The following NELL1 variants were observed in gnomAD, a reference collection of about 807,000 sequenced individuals.
NELL1 encodes the protein protein kinase C-binding protein NELL1.
In NELL1, 76 loss-of-function variants were observed where a neutral mutation model predicts 107.4. The ratio of observed to expected loss-of-function variants is 0.71; its 90% confidence interval spans 0.59 to 0.86. The LOEUF (loss-of-function observed/expected upper bound fraction) is 0.86, where lower values mean the gene tolerates loss of function less well. NELL1 is among the 40% of genes least tolerant of loss of function. The pLI is 0.00. For missense variants in NELL1, 1,024 were observed against 1,005.5 expected (o/e 1.02, Z -0.25); for synonymous variants, 353 against 341.2 (o/e 1.03, Z -0.38).
intron 15 of NELL1, among the ~76,000 whole-genome samples, chr11:21,516,007 C>G (rs557862912): frequency 1.3e-5 from 2 of 152,320 alleles, no homozygotes; most frequent in Admixed American, 1.3e-4. Flanking sequence ...CTTCCTCCCA[C>G]AGCAGACTGT....
chr11:20,957,238 G>A (rs1167164608), intron 11 of NELL1, among the ~76,000 whole-genome samples: 1 of 152,304 alleles, frequency 6.6e-6, no homozygotes, highest in East Asian at 1.9e-4. Context: ...TGCCCAAAGA[G>A]ACTTGCCTGT....
intron 12 of NELL1, among the ~76,000 whole-genome samples, chr11:21,018,222 C>T (rs189011903): frequency 6.6e-6 from 1 of 152,040 alleles, no homozygotes; most frequent in Non-Finnish European, 1.5e-5. Flanking sequence ...GCATTTCTAG[C>T]CCGGAAACTA....
At chr11:21,174,023 G>T (rs1314273363) in intron 13 of NELL1, among the ~76,000 whole-genome samples, 1 of 151,692 alleles carries the variant, frequency 6.6e-6, no homozygotes, top group Non-Finnish European at 1.5e-5. Flanking sequence ...AAATGCTATT[G>T]TTCTCCCTGC....
intron 12 of NELL1, among the ~76,000 whole-genome samples, chr11:21,026,471 A>G (rs1256313321): frequency 2.0e-5 from 3 of 152,176 alleles, no homozygotes; most frequent in Non-Finnish European, 2.9e-5. Flanking sequence ...TTTAAATAGC[A>G]TATGATTCCC....
chr11:21,518,860 T>C (rs1855640022), intron 15 of NELL1, among the ~76,000 whole-genome samples: 1 of 152,204 alleles, frequency 6.6e-6, no homozygotes, highest in South Asian at 2.1e-4. Flanking sequence ...GAGATAAAAA[T>C]ATTCCATTGG....
chr11:20,892,928 CAA>C (rs35992813), intron 5 of NELL1, among the ~76,000 whole-genome samples: 6,111 of 98,502 alleles, frequency 0.062, 359 homozygotes, highest in African/African-American at 0.21. Context: ...GACTGTGTCT[CAA>C]AAAAAAAAAA....
intron 15 of NELL1, among the ~76,000 whole-genome samples, chr11:21,495,402 A>G (rs989776125): frequency 5.3e-5 from 8 of 152,126 alleles, no homozygotes; most frequent in African/African-American, 1.4e-4. Flanking sequence ...TTAAACAGTC[A>G]TCAGTTTATA....
chr11:21,434,065 T>C (rs78448076), intron 15 of NELL1, among the ~76,000 whole-genome samples: 3,886 of 152,294 alleles, frequency 0.026, 161 homozygotes, highest in African/African-American at 0.087. Flanking sequence ...GTTGAGACGT[T>C]TGTGGTCCTT....
chr11:20,834,112 G>A (rs1422425496), intron 3 of NELL1, among the ~76,000 whole-genome samples: 2 of 152,106 alleles, frequency 1.3e-5, no homozygotes, highest in African/African-American at 2.4e-5. Flanking sequence ...GCGTGGATTC[G>A]GTGAGACCTG....
intron 13 of NELL1, among the ~76,000 whole-genome samples, chr11:21,145,658 A>G (rs1855961605): frequency 6.6e-6 from 1 of 152,174 alleles, no homozygotes; most frequent in South Asian, 2.1e-4. Context: ...CATGTCTTAG[A>G]CATTTTTAGT....
intron 2 of NELL1, among the ~76,000 whole-genome samples, chr11:20,766,386 T>C (rs11025749): frequency 0.92 from 140,019 of 152,274 alleles, 65,571 homozygotes; most frequent in East Asian, 1. Context: ...CTTGTTTTAT[T>C]GGAAAGGAAA....
At position 20,970,096 on chromosome 11, in the gene NELL1, C is replaced by T. The variant is rs527482175; in HGVS notation, c.1300+9536C>T. ...CCATCCATCCATCCATCCATCCATC[C>T]GTACTCTGAACATAGAGATATATCT... On this transcript the variant is annotated intron_variant, in intron 12 of 19. Coordinates refer to ENST00000357134, the MANE Select transcript of NELL1 (RefSeq NM_006157.5). Among the ~76,000 whole-genome samples, 73 of 150,488 alleles carry T rather than the reference C, an allele frequency of 4.9e-4. 2 individuals are homozygous for T. The East Asian group carries it at 8.8e-3, about 18-fold the overall frequency.
At chr11:20,938,928 CTCTCTCTCTCTCTG>C (rs745779270) in intron 10 of NELL1, among the ~76,000 whole-genome samples, 84 of 122,196 alleles carry the variant, frequency 6.9e-4, no homozygotes, top group Non-Finnish European at 9.2e-4. Flanking sequence ...CTCTCTCTCT[CTCTCTCTCTCTCTG>C]TGTGTGTGTG....
At chr11:20,913,476 T>A (rs999777090) in intron 5 of NELL1, among the ~76,000 whole-genome samples, 1 of 152,152 alleles carries the variant, frequency 6.6e-6, no homozygotes, top group African/African-American at 2.4e-5. Context: ...GATAATTTTC[T>A]AATTTTTTAA....
At chr11:21,408,463 A>G (rs749091785) in intron 15 of NELL1, among the ~76,000 whole-genome samples, 4 of 152,196 alleles carry the variant, frequency 2.6e-5, no homozygotes, top group Admixed American at 1.3e-4. Context: ...TTCTTTTGCT[A>G]TAGTTTTCCT....
Position 21,149,696 on chromosome 11 carries a change from T to G in NELL1, c.1426+35982T>G, listed in dbSNP as rs188905750. Among the ~76,000 whole-genome samples the G allele has an allele frequency of 4.7e-4, 72 of 152,326 alleles. 1 individual carries two copies. The highest frequency in any genetic ancestry group is 8.3e-4 in the South Asian group (4 of 4,828). ...TTCATGTAGTCAAACATTTACTGAA[T>G]ACGTGCTGTATACCAGGTGCTGTCA... is the stretch of plus-strand genomic sequence containing the variant. On this transcript the variant is annotated intron_variant, in intron 13 of 19. Transcript: ENST00000357134.
intron 13 of NELL1, among the ~76,000 whole-genome samples, chr11:21,117,071 C>T (rs1172340829): frequency 1.3e-5 from 2 of 151,842 alleles, no homozygotes; most frequent in African/African-American, 4.8e-5. Context: ...ATGTAACAAG[C>T]TTGTTTCTGT....
chr11:21,230,370 G>A (rs574447276), intron 14 of NELL1, among the ~76,000 whole-genome samples: 1 of 152,132 alleles, frequency 6.6e-6, no homozygotes, highest in East Asian at 1.9e-4. Flanking sequence ...CTCCATGACA[G>A]TGAACACTTG....
At position 20,857,289 on chromosome 11, in the gene NELL1, G is replaced by A. The variant is rs566968722; in HGVS notation, c.506+9536G>A. ...GATGAGAGAGTCGCTGAATAAAACC[G>A]TATTTCACCTGCCTATAGCCCCCCG... On this transcript the variant is annotated intron_variant, in intron 4 of 19. Transcript: ENST00000357134. 2.2e-4 allele frequency among the ~76,000 whole-genome samples: 33 copies of A among 152,142 alleles called. No individual in the cohort carries two copies. In the East Asian group the frequency reaches 4.8e-3, roughly 22 times the overall value.
Sources: allele counts gnomAD v4.1 joint callset (sites outside exome capture counted in the v4.1 genomes callset), GRCh38; gene constraint gnomAD v4.1.1; transcripts MANE v1.5; gene names NCBI Gene and HGNC (gene_info 2026-07-23, HGNC 2026-07-21).